Variants in KAZN observed in about 807,000 individuals in gnomAD.
KAZN encodes the protein kazrin, periplakin interacting protein.
KAZN carries 40 observed loss-of-function variants against 87.4 expected under a neutral mutation model. That is an observed-to-expected ratio of 0.46 (90% CI 0.36 to 0.60). KAZN has a LOEUF of 0.60. KAZN is among the 20% of genes least tolerant of loss of function. The pLI is 0.00. For synonymous variants in KAZN, 466 were observed against 458.3 expected (o/e 1.02, Z -0.22); for missense variants, 898 against 1,073.9 (o/e 0.84, Z 2.29).
intron 1 of KAZN, among the ~76,000 whole-genome samples, chr1:14,128,015 G>A (rs1402203511): frequency 4.6e-5 from 7 of 152,154 alleles, no homozygotes; most frequent in Non-Finnish European, 7.3e-5. Context: ...AGACGATGCC[G>A]AATGTCAAAT....
In KAZN at chr1:15,101,618, C is replaced by T; in HGVS notation, c.1623C>T (p.Tyr541=). ...AWLNDIGLSQ[Y]SQAFQNHLVD... ...TGAATGACATTGGCCTGTCCCAGTA[C>T]TCCCAGGCCTTTCAGAACCACCTGG... The change falls in exon 11 of 15, where the codon TAC becomes TAT. Residue 541 remains tyrosine (Y), a synonymous_variant. Transcript: ENST00000376030. 6.4e-7 allele frequency: 1 copy of T among 1,559,146 alleles called. No homozygotes were observed. The highest frequency in any genetic ancestry group is 8.7e-7 in the Non-Finnish European group (1 of 1,150,974).
chr1:14,638,200 A>G (rs1051585875), intron 1 of KAZN, among the ~76,000 whole-genome samples: 10 of 152,160 alleles, frequency 6.6e-5, no homozygotes, highest in Non-Finnish European at 1.2e-4. Context: ...ATACGTCCAC[A>G]TTCTGAGGTT....
chr1:14,407,447 GA>G (rs2101167643), intron 2 of KAZN, among the ~76,000 whole-genome samples: 1 of 152,276 alleles, frequency 6.6e-6, no homozygotes, highest in East Asian at 1.9e-4. Context: ...TAAATGGGGG[GA>G]AAAAGAGGGA....
chr1:14,709,365 T>C (rs2148818371), intron 1 of KAZN, among the ~76,000 whole-genome samples: 2 of 152,318 alleles, frequency 1.3e-5, no homozygotes, highest in South Asian at 2.1e-4. Context: ...AAAACAGCTT[T>C]TGTGAGTTAG....
At chr1:14,895,096 T>C (rs1184163303) in intron 1 of KAZN, among the ~76,000 whole-genome samples, 1 of 152,260 alleles carries the variant, frequency 6.6e-6, no homozygotes, top group African/African-American at 2.4e-5. Context: ...GAAGTGCCTA[T>C]AACTGGCCCC....
intron 1 of KAZN, among the ~76,000 whole-genome samples, chr1:14,140,155 G>A (rs1645205410): frequency 6.6e-6 from 1 of 152,004 alleles, no homozygotes; most frequent in African/African-American, 2.4e-5. Context: ...GTCCTTAAAG[G>A]GAAGGGCTTT....
intron 2 of KAZN, among the ~76,000 whole-genome samples, chr1:15,020,661 G>A (rs1027540117): frequency 2.6e-5 from 4 of 152,172 alleles, no homozygotes; most frequent in African/African-American, 7.2e-5. Flanking sequence ...CAGTGGCTGC[G>A]GCCATTCTCC....
chr1:14,697,989 A>G (rs1641710927), intron 1 of KAZN, among the ~76,000 whole-genome samples: 1 of 152,158 alleles, frequency 6.6e-6, no homozygotes, highest in South Asian at 2.1e-4. Context: ...GTAGCCGGAA[A>G]AACTGAGTCT....
At chr1:13,911,910 G>A (rs140001861) in intron 1 of KAZN, among the ~76,000 whole-genome samples, 131 of 152,212 alleles carry the variant, frequency 8.6e-4, no homozygotes, top group African/African-American at 3.0e-3. Context: ...ATGTGGGTTT[G>A]GTGTCAGATT....
chr1:14,594,976 C>A (rs951263699), upstream of KAZN, among the ~76,000 whole-genome samples: 3 of 152,050 alleles, frequency 2.0e-5, no homozygotes, highest in Non-Finnish European at 2.9e-5. Flanking sequence ...GAAACCCCGT[C>A]TCTACTAAAA....
chr1:14,087,171 A>C (rs960077352), intron 1 of KAZN, among the ~76,000 whole-genome samples: 6 of 152,164 alleles, frequency 3.9e-5, no homozygotes, highest in Non-Finnish European at 1.5e-5. Context: ...AAGTTTTCTC[A>C]GAAATGTTCT....
At chr1:13,977,761 A>G (rs1000010694) in intron 1 of KAZN, among the ~76,000 whole-genome samples, 2 of 152,224 alleles carry the variant, frequency 1.3e-5, no homozygotes, top group Non-Finnish European at 2.9e-5. Flanking sequence ...TGAAGGGCCA[A>G]TGTTCTAGAA....
At chr1:14,968,158 G>C (rs1664652952) in intron 2 of KAZN, among the ~76,000 whole-genome samples, 1 of 152,032 alleles carries the variant, frequency 6.6e-6, no homozygotes, top group African/African-American at 2.4e-5. Flanking sequence ...CCTGCAACTA[G>C]ATGGTCCCAT....
rs74059646 is a variant in KAZN, at chr1:14,880,138, T to C, written c.227-80546T>C. Among the ~76,000 whole-genome samples the C allele has an allele frequency of 7.3e-3, 1,100 of 151,622 alleles. 15 individuals are homozygous for C. The highest frequency in any genetic ancestry group is 0.026 in the African/African-American group (1,062 of 41,314). ...GATGCAGGGACTGGAGGGAGGAGAG[T>C]TATGTGTGAAAAGGGAGCTGCCCCA... On this transcript the variant is annotated intron_variant, in intron 1 of 14. Transcript: ENST00000376030.
chr1:14,866,597 T>C lies in KAZN; in HGVS notation c.227-94087T>C, dbSNP rs907253278. Among the ~76,000 whole-genome samples the C allele has an allele frequency of 1.7e-4, 26 of 152,294 alleles. 1 individual carries two copies. Among genetic ancestry groups the C allele is most frequent in the Non-Finnish European group, 3.1e-4 (21 of 68,016 alleles). On this transcript the variant is annotated intron_variant, in intron 1 of 14. Coordinates refer to ENST00000376030, the MANE Select transcript of KAZN (RefSeq NM_201628.3). ...AAAAAATGAACTGGGCATGGTGGCA[T>C]GTACCTGTAATCCCAGCTGCTCAGA...
At chr1:14,652,116 AAAC>A (rs1638419031) in intron 1 of KAZN, among the ~76,000 whole-genome samples, 1 of 152,234 alleles carries the variant, frequency 6.6e-6, no homozygotes, top group Non-Finnish European at 1.5e-5. Flanking sequence ...ATCAAAAACA[AAAC>A]AAGCTAAGCA....
chr1:14,890,166 C>T (rs546977669), intron 1 of KAZN, among the ~76,000 whole-genome samples: 3 of 152,316 alleles, frequency 2.0e-5, no homozygotes, highest in South Asian at 2.1e-4. Context: ...CCCTGCTCTG[C>T]GAGTTTGGGT....
intron 2 of KAZN, among the ~76,000 whole-genome samples, chr1:14,322,611 A>G (rs1019168935): frequency 3.3e-5 from 5 of 152,240 alleles, no homozygotes; most frequent in African/African-American, 1.2e-4. Flanking sequence ...GGACTAGGTT[A>G]TGCTGTGGAC....
At chr1:14,985,414 C>A (rs1666705075) in intron 2 of KAZN, among the ~76,000 whole-genome samples, 1 of 151,912 alleles carries the variant, frequency 6.6e-6, no homozygotes, top group African/African-American at 2.4e-5. Context: ...CACCTGTGGT[C>A]CCACACTCTG....
Sources: gnomAD v4.1 joint callset for allele counts (sites outside exome capture counted in the v4.1 genomes callset) on GRCh38, gnomAD v4.1.1 for gene constraint, MANE v1.5 for transcripts, NCBI Gene and HGNC (gene_info 2026-07-23, HGNC 2026-07-21) for gene names.